RNF150: variants seen among roughly 807,000 people sequenced by gnomAD.
The protein encoded by RNF150 is ring finger protein 150.
A neutral mutation model predicts 39.3 loss-of-function variants in RNF150; 24 were observed. That is an observed-to-expected ratio of 0.61 (90% CI 0.44 to 0.86). RNF150 has a LOEUF of 0.86. RNF150 is among the 40% of genes least tolerant of loss of function. RNF150 has a pLI of 0.00. For synonymous variants in RNF150, 255 were observed against 227.3 expected (o/e 1.12, Z -1.10); for missense variants, 502 against 587.8 (o/e 0.85, Z 1.51).
intron 1 of RNF150, among the ~76,000 whole-genome samples, chr4:141,002,247 T>C (rs974357665): frequency 8.0e-6 from 1 of 124,366 alleles, no homozygotes; most frequent in African/African-American, 3.1e-5. Flanking sequence ...TTTTCCTAGA[T>C]TTTTTTTTTT....
intron 1 of RNF150, among the ~76,000 whole-genome samples, chr4:141,108,422 A>T (rs1477804374): frequency 2.0e-5 from 3 of 152,212 alleles, no homozygotes; most frequent in Admixed American, 6.5e-5. Flanking sequence ...ACAGTTATAT[A>T]GTTAATAATA....
At chr4:141,111,086 A>G (rs1329676287) in intron 1 of RNF150, among the ~76,000 whole-genome samples, 13 of 152,170 alleles carry the variant, frequency 8.5e-5, no homozygotes, top group Non-Finnish European at 1.8e-4. Context: ...CAGCCCTCAC[A>G]GCTGAATGAT....
At chr4:141,103,610 G>T (rs1180016942) in intron 1 of RNF150, among the ~76,000 whole-genome samples, 6 of 152,150 alleles carry the variant, frequency 3.9e-5, no homozygotes, top group Non-Finnish European at 8.8e-5. Flanking sequence ...ACGCATGTCA[G>T]CATGTGTGAA....
In RNF150 at chr4:141,063,314, G is replaced by T. The variant is rs140251512; in HGVS notation, c.484+69011C>A. On this transcript the variant is annotated intron_variant, in intron 1 of 6. Transcript: ENST00000515673. ...AAATAAACAAAATTTCAAAGTTGAA[G>T]GAATTCCCTTCCAAAAGGACATGGA... 1.6e-3 allele frequency among the ~76,000 whole-genome samples: 238 copies of T among 152,290 alleles called. 2 individuals carry two copies. The highest frequency in any genetic ancestry group is 5.2e-3 in the African/African-American group (216 of 41,562).
chr4:141,009,136 G>A (rs1734971700), intron 1 of RNF150, among the ~76,000 whole-genome samples: 1 of 152,108 alleles, frequency 6.6e-6, no homozygotes, highest in African/African-American at 2.4e-5. Context: ...TGGAGCAACT[G>A]GAACTCTCTT....
intron 1 of RNF150, among the ~76,000 whole-genome samples, chr4:141,186,078 A>G (rs1728002946): frequency 6.6e-6 from 1 of 151,912 alleles, no homozygotes; most frequent in Admixed American, 6.6e-5. Context: ...CTCTTTTTCT[A>G]TTGTTTGGAA....
At chr4:140,922,081 C>T (rs1434740116) in intron 5 of RNF150, among the ~76,000 whole-genome samples, 6 of 151,952 alleles carry the variant, frequency 3.9e-5, no homozygotes, top group African/African-American at 1.4e-4. Flanking sequence ...CCCTCTCTCA[C>T]CACACCTATT....
At chr4:141,014,127 G>A (rs1190574140) in intron 1 of RNF150, among the ~76,000 whole-genome samples, 1 of 152,062 alleles carries the variant, frequency 6.6e-6, no homozygotes, top group Admixed American at 6.6e-5. Context: ...TTAGCATCAC[G>A]TTCTCTGGAT....
intron 1 of RNF150, among the ~76,000 whole-genome samples, chr4:141,056,804 T>C (rs1736991558): frequency 6.6e-6 from 1 of 152,108 alleles, no homozygotes; most frequent in Admixed American, 6.6e-5. Context: ...GGCTTATTAA[T>C]GGCTCTTGGC....
At chr4:140,915,097 C>T (rs1730763955) in intron 5 of RNF150, among the ~76,000 whole-genome samples, 1 of 152,106 alleles carries the variant, frequency 6.6e-6, no homozygotes, top group Non-Finnish European at 1.5e-5. Context: ...TAACTGCCAG[C>T]CTTCAAGGCT....
In RNF150 at chr4:141,032,091, G is replaced by A. The variant is rs149746319; in HGVS notation, c.485-64218C>T. ...ACACATACACATACATACACACACA[G>A]TGAAATATTCAGCCTTAAAAAAGAA... On this transcript the variant is annotated intron_variant, in intron 1 of 6. Transcript: ENST00000515673. Among the ~76,000 whole-genome samples, 985 of 151,664 alleles carry A rather than the reference G, an allele frequency of 6.5e-3. 14 individuals carry two copies. The highest frequency in any genetic ancestry group is 0.02 in the African/African-American group (844 of 41,336).
chr4:141,177,054 GA>G (rs5862514), intron 1 of RNF150, among the ~76,000 whole-genome samples: 49,126 of 111,402 alleles, frequency 0.44, 9,691 homozygotes, highest in East Asian at 0.76. Flanking sequence ...TGTCTCCTAG[GA>G]AAAAAAAAAA....
At chr4:141,064,571 G>A (rs1457331558) in intron 1 of RNF150, among the ~76,000 whole-genome samples, 1 of 151,660 alleles carries the variant, frequency 6.6e-6, no homozygotes, top group Non-Finnish European at 1.5e-5. Flanking sequence ...CCTGTAAACA[G>A]CCACTGCACT....
At chr4:140,894,720 T>C (rs1729875999) in intron 6 of RNF150, among the ~76,000 whole-genome samples, 1 of 152,232 alleles carries the variant, frequency 6.6e-6, no homozygotes, top group Non-Finnish European at 1.5e-5. Flanking sequence ...ATGTCCTAAA[T>C]AGTAGGTACT....
intron 1 of RNF150, among the ~76,000 whole-genome samples, chr4:141,092,551 T>C (rs1221583477): frequency 1.3e-5 from 2 of 152,168 alleles, no homozygotes; most frequent in Non-Finnish European, 2.9e-5. Flanking sequence ...ATTTATTATA[T>C]TCAGAGAGAC....
intron 1 of RNF150, among the ~76,000 whole-genome samples, chr4:141,158,041 A>C (rs354924): frequency 0.99 from 151,074 of 152,340 alleles, 74,917 homozygotes; most frequent in Middle Eastern, 1. Flanking sequence ...ACCTGTAATC[A>C]CAGCACTTTG....
At chr4:141,103,102 CA>C (rs1169201632) in intron 1 of RNF150, among the ~76,000 whole-genome samples, 11 of 152,158 alleles carry the variant, frequency 7.2e-5, no homozygotes, top group Non-Finnish European at 1.2e-4. Flanking sequence ...TAGGCTCCAT[CA>C]GTTGTACTCA....
chr4:140,947,171 TAAA>T (rs879543475), intron 4 of RNF150, among the ~76,000 whole-genome samples: 1 of 144,958 alleles, frequency 6.9e-6, no homozygotes, highest in Admixed American at 6.9e-5. Flanking sequence ...TCTGTTAGTT[TAAA>T]AAAAAAAAAA....
At chr4:141,162,918 C>T (rs866808324) in intron 1 of RNF150, among the ~76,000 whole-genome samples, 4 of 152,140 alleles carry the variant, frequency 2.6e-5, no homozygotes, top group Non-Finnish European at 5.9e-5. Context: ...GAGTGTTTTT[C>T]GTACCCTAGT....
Sources: gnomAD v4.1 joint callset for allele counts (sites outside exome capture counted in the v4.1 genomes callset) on GRCh38, gnomAD v4.1.1 for gene constraint, MANE v1.5 for transcripts, NCBI Gene and HGNC (gene_info 2026-07-23, HGNC 2026-07-21) for gene names.